The following CMC1 variants were observed in gnomAD, a reference collection of about 807,000 sequenced individuals.
CMC1 encodes the protein C-X9-C motif containing 1.
Under a neutral mutation model 14.1 loss-of-function variants are expected in CMC1, and 14 were observed. That is an observed-to-expected ratio of 0.99 (90% confidence interval 0.66 to 1.55). CMC1 has a LOEUF of 1.55. Among genes scored for constraint, CMC1 ranks in the 40% most tolerant of loss-of-function variants. CMC1 has a pLI of 0.00. For missense variants in CMC1, 127 were observed against 123.8 expected, an observed-to-expected ratio of 1.03 and a Z score of -0.12; for synonymous variants, 50 against 38.4, an observed-to-expected ratio of 1.30 and a Z score of -1.12.
chr3:28,324,052 T>C lies in CMC1; in HGVS notation c.*4423T>C, dbSNP rs1445258343. ...TGAATCTCTTCCAAATTAATTCTTA[T>C]AAAGGCAGTTCTGATTATGTTGATC... On this transcript the variant is annotated 3_prime_UTR_variant, in exon 4 of 4. Coordinates refer to ENST00000466830, the MANE Select transcript of CMC1 (RefSeq NM_182523.2). 4.4e-6 allele frequency: 7 copies of C among 1,603,890 alleles called. No individual in the cohort carries two copies. Among genetic ancestry groups the C allele is most frequent in the Middle Eastern group, 1.7e-4 (1 of 6,012 alleles).
At chr3:28,277,135 TA>T (rs1577029932) in intron 2 of CMC1, among the ~76,000 whole-genome samples, 1 of 152,168 alleles carries the variant, frequency 6.6e-6, no homozygotes, top group East Asian at 1.9e-4. Flanking sequence ...TCAGCAGTTT[TA>T]AAGAATAATG....
chr3:28,304,257 A>G (rs1468449337), intron 2 of CMC1, among the ~76,000 whole-genome samples: 2 of 152,100 alleles, frequency 1.3e-5, no homozygotes, highest in Non-Finnish European at 2.9e-5. Context: ...CATGCAGCCA[A>G]TATAAAAATT....
At chr3:28,286,651 A>G (rs1162939558) in intron 2 of CMC1, among the ~76,000 whole-genome samples, 5 of 152,232 alleles carry the variant, frequency 3.3e-5, no homozygotes, top group African/African-American at 7.2e-5. Flanking sequence ...AATGGAATAT[A>G]TCAATTTTCT....
rs191136488 is a variant in CMC1 at position 28,321,836 on chromosome 3, G to C, written c.*2207G>C. 35 of 151,420 alleles carry C rather than the reference G, an allele frequency of 2.3e-4. No homozygotes were observed. In the East Asian group the frequency reaches 6.4e-3, roughly 28 times the overall value. The allele number at this position is 151,420 out of a possible 1,614,324, so 9.4% of individuals were successfully genotyped here. A position where few individuals can be genotyped will look rare whatever the true frequency, so the allele number is the denominator to read the frequency against. On this transcript the variant is annotated 3_prime_UTR_variant, in exon 4 of 4. Coordinates refer to ENST00000466830, the MANE Select transcript of CMC1 (RefSeq NM_182523.2). The stretch of plus-strand genomic sequence containing the variant: ...AAATTTTACTTTAGCTAATAAGGGA[G>C]CAAGAGGAAGGAATAGGTGGCTTTT...
intron 2 of CMC1, among the ~76,000 whole-genome samples, chr3:28,292,209 A>T (rs895022350): frequency 6.6e-6 from 1 of 152,062 alleles, no homozygotes; most frequent in African/African-American, 2.4e-5. Context: ...ATAGTATAAT[A>T]CTATCACCCT....
intron 1 of CMC1, among the ~76,000 whole-genome samples, chr3:28,248,798 C>CT (rs998702101): frequency 1.5e-4 from 23 of 151,204 alleles, no homozygotes; most frequent in Admixed American, 6.6e-4. Flanking sequence ...TGCATTTTTT[C>CT]TTTTTTTTTG....
At chr3:28,279,625 T>TAA (rs991950713) in intron 2 of CMC1, among the ~76,000 whole-genome samples, 4 of 107,904 alleles carry the variant, frequency 3.7e-5, no homozygotes, top group African/African-American at 1.4e-4. Context: ...TTTGAAGTAA[T>TAA]AAAAAAGACC....
rs1224603729 is a variant in CMC1 at position 28,320,939 on chromosome 3, CACT to C, written c.*1312_*1314del. On this transcript the variant is annotated 3_prime_UTR_variant, in exon 4 of 4. Coordinates refer to ENST00000466830, the MANE Select transcript of CMC1 (RefSeq NM_182523.2). The stretch of plus-strand genomic sequence containing the variant: ...AAAATCACAAATAGAAATTACTACC[CACT>C]AAGACAAGGTTTAACTTTCCCTAAT... 1 of 151,302 alleles carries C rather than the reference CACT, an allele frequency of 6.6e-6. No individual in the cohort carries two copies. Among genetic ancestry groups the C allele is most frequent in the Admixed American group, 6.6e-5 (1 of 15,104 alleles). 9.4% of individuals were successfully genotyped at this position (151,302 alleles called of 1,614,324 possible).
At chr3:28,249,248 G>A (rs553972515) in intron 1 of CMC1, among the ~76,000 whole-genome samples, 4 of 152,328 alleles carry the variant, frequency 2.6e-5, no homozygotes, top group Non-Finnish European at 5.9e-5. Context: ...GGAATGTAGA[G>A]TATCACATGT....
chr3:28,255,401 T>C (rs1302242855), intron 1 of CMC1, among the ~76,000 whole-genome samples: 1 of 151,808 alleles, frequency 6.6e-6, no homozygotes, highest in East Asian at 1.9e-4. Context: ...CCACCATGCC[T>C]GGGTGATTTT....
chr3:28,268,643 G>A (rs917529320), intron 2 of CMC1, among the ~76,000 whole-genome samples: 5 of 152,146 alleles, frequency 3.3e-5, no homozygotes, highest in South Asian at 2.1e-4. Flanking sequence ...CGAGTTCTCC[G>A]ATGCCACCTA....
chr3:28,292,601 A>C (rs549684301), intron 2 of CMC1: 1 of 152,192 alleles, frequency 6.6e-6, no homozygotes, highest in African/African-American at 2.4e-5. Flanking sequence ...TCTTTTCTGG[A>C]TAAATTTAAA....
chr3:28,293,700 G>C lies in CMC1; in HGVS notation c.110-22633G>C, dbSNP rs139427435. On this transcript the variant is annotated intron_variant, in intron 2 of 3. Coordinates refer to ENST00000466830, the MANE Select transcript of CMC1 (RefSeq NM_182523.2). ...GGATTCAAGTGGTTTTTCTGCCTCA[G>C]CCTCCTAAGTAGCTGGGATTACAGA... 8.3e-3 allele frequency among the ~76,000 whole-genome samples: 1,262 copies of C among 152,110 alleles called. 28 individuals carry two copies. The highest frequency in any genetic ancestry group is 0.029 in the African/African-American group (1,201 of 41,484).
chr3:28,276,159 G>C (rs1468228329), intron 2 of CMC1, among the ~76,000 whole-genome samples: 3 of 152,088 alleles, frequency 2.0e-5, no homozygotes, highest in Admixed American at 2.0e-4. Context: ...TCAATTCCCA[G>C]TGCAGGATTC....
chr3:28,261,570 A>G (rs566860784), intron 1 of CMC1, among the ~76,000 whole-genome samples: 7 of 152,294 alleles, frequency 4.6e-5, no homozygotes, highest in Admixed American at 3.9e-4. Flanking sequence ...TCAATTTGCC[A>G]TTTTAGTCCA....
chr3:28,258,183 A>T lies in CMC1; in HGVS notation c.20-5108A>T, dbSNP rs182375595. On this transcript the variant is annotated intron_variant, in intron 1 of 3. Coordinates refer to ENST00000466830, the MANE Select transcript of CMC1 (RefSeq NM_182523.2). ...TTATTGATAGTTAGGGGTTCTTGAT[A>T]TATTCTGGACTCAAGTCCTTTGTTA... 2.9e-4 allele frequency among the ~76,000 whole-genome samples: 43 copies of T among 150,564 alleles called. 1 individual carries two copies. In the East Asian group the frequency reaches 8.3e-3, roughly 29 times the overall value.
chr3:28,310,486 A>G (rs1384069190), intron 2 of CMC1, among the ~76,000 whole-genome samples: 2 of 152,248 alleles, frequency 1.3e-5, no homozygotes, highest in African/African-American at 4.8e-5. Context: ...CTCATTGGAC[A>G]GTGTCTATTA....
intron 2 of CMC1, chr3:28,292,782 A>T (rs1007267940): frequency 6.6e-6 from 1 of 152,184 alleles, no homozygotes; most frequent in East Asian, 1.9e-4. Context: ...GGTCTCCAGA[A>T]ATGAACATAG....
chr3:28,255,786 T>C (rs1699376410), intron 1 of CMC1, among the ~76,000 whole-genome samples: 1 of 151,614 alleles, frequency 6.6e-6, no homozygotes, highest in Admixed American at 6.6e-5. Flanking sequence ...GCTTAAAATG[T>C]TTATACTCTG....
Sources: gnomAD v4.1 joint callset for allele counts (sites outside exome capture counted in the v4.1 genomes callset) on GRCh38, gnomAD v4.1.1 for gene constraint, MANE v1.5 for transcripts, NCBI Gene and HGNC (gene_info 2026-07-23, HGNC 2026-07-21) for gene names.